Variants in RMDN2 observed in about 807,000 individuals in gnomAD.
The protein encoded by RMDN2 is regulator of microtubule dynamics 2.
RMDN2 carries 61 observed loss-of-function variants against 52.8 expected under a neutral mutation model. That is an observed-to-expected ratio of 1.16 (90% CI 0.94 to 1.43). The LOEUF is 1.43. RMDN2 is among the 40% of genes most tolerant of loss of function. RMDN2 has a pLI of 0.00. For missense variants in RMDN2, 592 were observed against 475.3 expected (o/e 1.25, Z -2.28); for synonymous variants, 180 against 153.1 (o/e 1.18, Z -1.30).
chr2:37,996,706 C>G, intron 7 of RMDN2, among the ~76,000 whole-genome samples: 1 of 151,492 alleles, frequency 6.6e-6, no homozygotes, highest in African/African-American at 2.4e-5. Context: ...TGGGTCAATA[C>G]CCTTTTAAGT....
At chr2:37,950,672 C>T in intron 2 of RMDN2, 2 of 1,395,800 alleles carry the variant, frequency 1.4e-6, no homozygotes, top group Admixed American at 1.7e-5. Flanking sequence ...TAGTGCTCTC[C>T]TTTGTTTCCC....
At chr2:38,039,150 A>T (rs1680800693) in intron 10 of RMDN2, among the ~76,000 whole-genome samples, 1 of 152,096 alleles carries the variant, frequency 6.6e-6, no homozygotes, top group Non-Finnish European at 1.5e-5. Flanking sequence ...AATTTTAACT[A>T]TATTCATATG....
At chr2:38,033,770 T>C (rs1680383463) in intron 10 of RMDN2, among the ~76,000 whole-genome samples, 2 of 152,260 alleles carry the variant, frequency 1.3e-5, no homozygotes, top group Admixed American at 1.3e-4. Context: ...AGTCATTTCA[T>C]GGGAATCCAA....
intron 2 of RMDN2, among the ~76,000 whole-genome samples, chr2:37,960,350 T>TAC (rs35094816): frequency 6.6e-6 from 1 of 151,984 alleles, no homozygotes; most frequent in Non-Finnish European, 1.5e-5. Context: ...TATATATATA[T>TAC]TTAGAATAGT....
chr2:38,004,187 G>A lies in RMDN2; in HGVS notation c.1150G>A (p.Ala384Thr), dbSNP rs779926695. The change falls in exon 10 of 11, where the codon GCT (alanine) becomes ACT (threonine). Residue 384 changes from alanine (A) to threonine (T), a missense_variant. Physicochemically the swap from Ala to Thr is moderately conservative, Grantham distance 58. Transcript: ENST00000354545. ...NQNALKFCNL[A>T]LLLPTVTKED... ...GAATGCTTTGAAGTTCTGTAATTTG[G>A]CTTTATTGCTTCCTACTGTTACCAA... 1.2e-6 allele frequency: 2 copies of A among 1,613,684 alleles called. No individual in the cohort carries two copies. The highest frequency in any genetic ancestry group is 3.3e-5 in the Admixed American group (2 of 60,012).
intron 2 of RMDN2, among the ~76,000 whole-genome samples, chr2:37,948,896 C>G (rs369392598): frequency 4.6e-5 from 7 of 152,226 alleles, no homozygotes; most frequent in East Asian, 1.9e-4. Flanking sequence ...GATTTAGTTA[C>G]AAATAATTAT....
rs1391936351 is a variant in RMDN2, at chr2:37,985,309, T to C, written c.791+3966T>C. ...ACGGTTAGATGGGTTGTTTTGTGCATCTCTAGATAAGTGTGTACGCTGAAA... is the reference window on the plus strand; with the variant it reads ...ACGGTTAGATGGGTTGTTTTGTGCACCTCTAGATAAGTGTGTACGCTGAAA... On this transcript the variant is annotated intron_variant, in intron 5 of 10. Transcript: ENST00000354545. 2.0e-5 allele frequency among the ~76,000 whole-genome samples: 3 copies of C among 152,292 alleles called. No homozygotes were observed. The East Asian group carries it at 5.8e-4, about 29-fold the overall frequency.
intron 2 of RMDN2, among the ~76,000 whole-genome samples, chr2:37,942,114 C>T (rs899300203): frequency 1.3e-5 from 2 of 152,070 alleles, no homozygotes; most frequent in Non-Finnish European, 2.9e-5. Flanking sequence ...TATCTCTGTC[C>T]CTCATGGCAA....
intron 10 of RMDN2, among the ~76,000 whole-genome samples, chr2:38,022,922 A>T (rs1386826808): frequency 6.6e-6 from 1 of 152,194 alleles, no homozygotes; most frequent in Non-Finnish European, 1.5e-5. Context: ...GTAGTGACCA[A>T]GCCAGGATTG....
chr2:37,957,215 C>A (rs930313537), intron 2 of RMDN2, among the ~76,000 whole-genome samples: 3 of 152,166 alleles, frequency 2.0e-5, no homozygotes, highest in African/African-American at 7.2e-5. Flanking sequence ...AGTTCTAGAT[C>A]CTTGAGGAAT....
chr2:37,930,357 C>T (rs929603464), intron 2 of RMDN2, among the ~76,000 whole-genome samples: 1 of 152,194 alleles, frequency 6.6e-6, no homozygotes, highest in Non-Finnish European at 1.5e-5. Flanking sequence ...GGTCTCTTTT[C>T]TTTTCTTTTT....
chr2:37,926,873 C>CT (rs1211276383), intron 1 of RMDN2, among the ~76,000 whole-genome samples: 4 of 152,092 alleles, frequency 2.6e-5, no homozygotes, highest in Admixed American at 2.6e-4. Flanking sequence ...GTGGTCGAGG[C>CT]TACAGTGAGC....
intron 10 of RMDN2, among the ~76,000 whole-genome samples, chr2:38,014,949 T>G (rs1678539181): frequency 6.6e-6 from 1 of 152,214 alleles, no homozygotes; most frequent in Non-Finnish European, 1.5e-5. Context: ...GTACTGCAAC[T>G]TGGGCCATGG....
At chr2:38,029,124 G>A (rs529719837) in intron 10 of RMDN2, among the ~76,000 whole-genome samples, 17 of 152,090 alleles carry the variant, frequency 1.1e-4, no homozygotes, top group Non-Finnish European at 1.9e-4. Flanking sequence ...GAAGTTCTCA[G>A]CAGGCCTTTT....
At chr2:37,926,137 C>T (rs1666259491) in intron 1 of RMDN2, among the ~76,000 whole-genome samples, 2 of 152,158 alleles carry the variant, frequency 1.3e-5, no homozygotes, top group African/African-American at 4.8e-5. Flanking sequence ...TTTATCCTTG[C>T]AAAATTTGTC....
intron 2 of RMDN2, among the ~76,000 whole-genome samples, chr2:37,932,107 C>G (rs1479818630): frequency 6.6e-6 from 1 of 151,632 alleles, no homozygotes; most frequent in Non-Finnish European, 1.5e-5. Flanking sequence ...GTGTTTCTCG[C>G]AGAGGGGGAT....
rs1175288657 is a variant in RMDN2, at chr2:38,007,490, C to T, written c.1179+3274C>T. ...TCTTCCAGATTTTCTAGTTTATTTG[C>T]GTAGAGGTGTTTATAGTATTCTCTG... On this transcript the variant is annotated intron_variant, in intron 10 of 10. Transcript: ENST00000354545. Among the ~76,000 whole-genome samples, 7 of 152,230 alleles carry T rather than the reference C, an allele frequency of 4.6e-5. No homozygotes were observed. In the South Asian group the frequency reaches 8.3e-4, roughly 18 times the overall value.
intron 2 of RMDN2, 83 bp from the exon 3 acceptor site, chr2:37,973,957 G>GAT: frequency 4.5e-6 from 5 of 1,115,362 alleles, no homozygotes; most frequent in Non-Finnish European, 3.9e-6. Context: ...AGAGGGGCAT[G>GAT]ATTTGACTTG....
chr2:37,988,153 C>G (rs181520134), intron 5 of RMDN2, among the ~76,000 whole-genome samples: 1 of 152,102 alleles, frequency 6.6e-6, no homozygotes, highest in Non-Finnish European at 1.5e-5. Context: ...TTGCTGAGAA[C>G]CTAAAAGTGC....
Sources: allele counts gnomAD v4.1 joint callset (sites outside exome capture counted in the v4.1 genomes callset), GRCh38; gene constraint gnomAD v4.1.1; transcripts MANE v1.5; gene names NCBI Gene and HGNC (gene_info 2026-07-23, HGNC 2026-07-21).